ZNF536: variants seen among roughly 807,000 people sequenced by gnomAD.
ZNF536 encodes the protein zinc finger protein 536.
ZNF536 carries 13 observed loss-of-function variants against 84.5 expected under a neutral mutation model. The ratio of observed to expected loss-of-function variants is 0.15; its 90% CI spans 0.10 to 0.24. The LOEUF is 0.24. Ranked by LOEUF, ZNF536 falls within the 10% of genes least tolerant of loss-of-function variation. The pLI, the probability that ZNF536 is intolerant of heterozygous loss-of-function variation, is 1.00. For missense variants in ZNF536, 1,536 were observed against 1,747.5 expected (o/e 0.88, Z 2.16); for synonymous variants, 811 against 742.5 (o/e 1.09, Z -1.50).
chr19:30,678,728 C>G (rs568903673), intron 1 of ZNF536, among the ~76,000 whole-genome samples: 2 of 121,814 alleles, frequency 1.6e-5, no homozygotes, highest in Admixed American at 1.5e-4. Flanking sequence ...GGTACCCACC[C>G]CCAAGCCCCC....
At chr19:30,411,502 A>G (rs1040505174) in intron 1 of ZNF536, among the ~76,000 whole-genome samples, 1 of 152,138 alleles carries the variant, frequency 6.6e-6, no homozygotes, top group East Asian at 1.9e-4. Flanking sequence ...TTAGTTTTAA[A>G]ACTTTTTGTG....
At chr19:30,545,845 A>T (rs898646927) in intron 3 of ZNF536, among the ~76,000 whole-genome samples, 22 of 152,280 alleles carry the variant, frequency 1.4e-4, no homozygotes, top group African/African-American at 5.1e-4. Flanking sequence ...CCGCTAATGA[A>T]TGCCCGTGCT....
At chr19:30,299,033 T>G (rs1478466265) in intron 2 of ZNF536, among the ~76,000 whole-genome samples, 1 of 152,188 alleles carries the variant, frequency 6.6e-6, no homozygotes, top group African/African-American at 2.4e-5. Context: ...AGAAAAAGAC[T>G]CTACAATGTG....
chr19:30,562,955 A>C (rs1362765144), downstream of ZNF536, among the ~76,000 whole-genome samples: 1 of 152,210 alleles, frequency 6.6e-6, no homozygotes, highest in Admixed American at 6.5e-5. Context: ...ATATCTTGTC[A>C]TAGGCATTTC....
chr19:30,672,531 T>C (rs753235651), intron 1 of ZNF536, among the ~76,000 whole-genome samples: 5 of 152,212 alleles, frequency 3.3e-5, no homozygotes, highest in Non-Finnish European at 4.4e-5. Flanking sequence ...ATCTGAAAGA[T>C]GGGGTCTGCA....
At chr19:30,296,870 T>C (rs1242412107) in intron 2 of ZNF536, among the ~76,000 whole-genome samples, 1 of 152,202 alleles carries the variant, frequency 6.6e-6, no homozygotes, top group Non-Finnish European at 1.5e-5. Flanking sequence ...GGAGCCACCC[T>C]CTGTCACCTG....
intron 1 of ZNF536, among the ~76,000 whole-genome samples, chr19:30,702,014 A>G (rs2052005632): frequency 6.6e-6 from 1 of 152,150 alleles, no homozygotes; most frequent in African/African-American, 2.4e-5. Flanking sequence ...TCTGTCCCAC[A>G]CTTGAGGAGA....
intron 1 of ZNF536, among the ~76,000 whole-genome samples, chr19:30,563,204 C>G (rs891562940): frequency 2.6e-5 from 4 of 152,152 alleles, no homozygotes; most frequent in African/African-American, 9.7e-5. Flanking sequence ...GTGCCCCACC[C>G]TCATCCTTGC....
chr19:30,683,603 T>C (rs2051060721), intron 1 of ZNF536, among the ~76,000 whole-genome samples: 1 of 152,216 alleles, frequency 6.6e-6, no homozygotes, highest in Non-Finnish European at 1.5e-5. Flanking sequence ...CCTTCTACGC[T>C]GTCAAGGCTT....
chr19:30,248,468 T>C (rs2024422229), intron 1 of ZNF536, among the ~76,000 whole-genome samples: 1 of 151,186 alleles, frequency 6.6e-6, no homozygotes, highest in South Asian at 2.1e-4. Flanking sequence ...CGTCTCGCAC[T>C]TCTGGCCTCA....
intron 1 of ZNF536, among the ~76,000 whole-genome samples, chr19:30,675,754 C>G (rs1214930559): frequency 6.6e-6 from 1 of 152,230 alleles, no homozygotes; most frequent in Non-Finnish European, 1.5e-5. Flanking sequence ...GCTATTCTTT[C>G]TTCAGAGGAG....
intron 1 of ZNF536, among the ~76,000 whole-genome samples, chr19:30,638,536 T>G (rs2049154235): frequency 6.6e-6 from 1 of 152,176 alleles, no homozygotes; most frequent in Non-Finnish European, 1.5e-5. Context: ...TCAGGATAAC[T>G]TACTCACTGT....
chr19:30,288,694 A>G (rs991337869), intron 2 of ZNF536, among the ~76,000 whole-genome samples: 4 of 152,144 alleles, frequency 2.6e-5, no homozygotes, highest in African/African-American at 9.7e-5. Flanking sequence ...AGGAACTTGC[A>G]CCTCAGTTTT....
At chr19:30,569,283 A>G (rs894063951) in intron 1 of ZNF536, among the ~76,000 whole-genome samples, 2 of 152,000 alleles carry the variant, frequency 1.3e-5, no homozygotes, top group Non-Finnish European at 2.9e-5. Flanking sequence ...CCATTTTTTG[A>G]TCATCCTAGC....
At chr19:30,510,844 C>T (rs1157764036) in intron 2 of ZNF536, among the ~76,000 whole-genome samples, 1 of 152,176 alleles carries the variant, frequency 6.6e-6, no homozygotes, top group East Asian at 1.9e-4. Flanking sequence ...AGAAGAGTGA[C>T]ATCTTCTTGT....
chr19:30,410,452 G>GA (rs1468268555), intron 1 of ZNF536, among the ~76,000 whole-genome samples: 3 of 138,206 alleles, frequency 2.2e-5, no homozygotes, highest in African/African-American at 5.8e-5. Flanking sequence ...AATAAACAAT[G>GA]AAAAGTGAAG....
chr19:30,462,204 C>T (rs187155653), intron 2 of ZNF536, among the ~76,000 whole-genome samples: 341 of 152,232 alleles, frequency 2.2e-3, no homozygotes, highest in Non-Finnish European at 3.9e-3. Flanking sequence ...ACCTAAGATG[C>T]TCTTGGAGAA....
chr19:30,353,576 A>G (rs1405341010), intron 3 of ZNF536, among the ~76,000 whole-genome samples: 3 of 151,938 alleles, frequency 2.0e-5, no homozygotes, highest in Non-Finnish European at 2.9e-5. Flanking sequence ...TCCCCTAGGC[A>G]TGGTGACAAC....
chr19:30,598,101 C>A (rs777320568), intron 1 of ZNF536, among the ~76,000 whole-genome samples: 1 of 152,206 alleles, frequency 6.6e-6, no homozygotes, highest in Non-Finnish European at 1.5e-5. Context: ...GTGAATCCAG[C>A]TGCTGAAATA....
Sources: gnomAD v4.1 joint callset for allele counts (sites outside exome capture counted in the v4.1 genomes callset) on GRCh38, gnomAD v4.1.1 for gene constraint, MANE v1.5 for transcripts, NCBI Gene and HGNC (gene_info 2026-07-23, HGNC 2026-07-21) for gene names.